The following KCNH1 variants were observed in gnomAD, a reference collection of about 807,000 sequenced individuals.
KCNH1 encodes the protein voltage-gated delayed rectifier potassium channel KCNH1.
A neutral mutation model predicts 69.2 loss-of-function variants in KCNH1; 27 were observed. The ratio of observed to expected loss-of-function variants is 0.39; its 90% CI spans 0.29 to 0.54. The LOEUF is 0.54. Ranked by LOEUF, KCNH1 falls within the 20% of genes least tolerant of loss-of-function variation. The pLI, the probability that KCNH1 is intolerant of heterozygous loss-of-function variation, is 0.68. For missense variants in KCNH1, 798 were observed against 1,261.6 expected (o/e 0.63, Z 5.57); for synonymous variants, 456 against 487.7 (o/e 0.93, Z 0.86).
chr1:210,787,561 G>A (rs893903489), intron 9 of KCNH1, among the ~76,000 whole-genome samples: 1 of 152,162 alleles, frequency 6.6e-6, no homozygotes, highest in African/African-American at 2.4e-5. Flanking sequence ...ACAGAACAAT[G>A]TTAAGTTAGT....
chr1:211,103,624 A>G (rs779434913), intron 2 of KCNH1, 22 bp from the exon 3 acceptor site: 4 of 1,449,992 alleles, frequency 2.8e-6, no homozygotes, highest in Non-Finnish European at 3.9e-6. Context: ...CAAAGAACTC[A>G]AGTTAGATTA....
chr1:210,882,634 C>T (rs1686521138), intron 7 of KCNH1, among the ~76,000 whole-genome samples: 1 of 152,124 alleles, frequency 6.6e-6, no homozygotes, highest in South Asian at 2.1e-4. Flanking sequence ...GGTTCCTTTG[C>T]TATGAGTCAG....
intron 10 of KCNH1, among the ~76,000 whole-genome samples, chr1:210,729,051 G>A (rs1682679217): frequency 6.6e-6 from 1 of 152,236 alleles, no homozygotes; most frequent in Non-Finnish European, 1.5e-5. Context: ...TAATGTGGCT[G>A]AGGTTAGATT....
At chr1:210,766,209 A>G (rs1284076283) in intron 10 of KCNH1, among the ~76,000 whole-genome samples, 1 of 152,060 alleles carries the variant, frequency 6.6e-6, no homozygotes, top group Non-Finnish European at 1.5e-5. Flanking sequence ...ACTTTGTACC[A>G]AGCTCTAAAA....
chr1:210,864,805 G>A (rs746425971), intron 7 of KCNH1, among the ~76,000 whole-genome samples: 27 of 152,312 alleles, frequency 1.8e-4, no homozygotes, highest in South Asian at 1.0e-3. Flanking sequence ...AGCCTCAGCC[G>A]GAAAGATTCA....
At chr1:211,125,132 C>T (rs530684523) in intron 1 of KCNH1, among the ~76,000 whole-genome samples, 32 of 152,288 alleles carry the variant, frequency 2.1e-4, no homozygotes, top group African/African-American at 6.7e-4. Flanking sequence ...AAGATGACCT[C>T]GCAGGAAAGA....
Position 210,683,674 on chromosome 1 carries a change from C to T in KCNH1, c.2577G>A (p.Met859Ile). 1 of 1,614,226 alleles carries T rather than the reference C, an allele frequency of 6.2e-7. No individual in the cohort carries two copies. The highest frequency in any genetic ancestry group is 8.5e-7 in the Non-Finnish European group (1 of 1,180,040). Residue 859 changes from methionine to isoleucine, a missense_variant, in exon 11 of 11, where the codon ATG becomes ATA. This residue lies in a region of KCNH1 where 331 missense variants were observed against 363.2 expected (regional missense o/e 0.91). Coordinates refer to ENST00000271751, the MANE Select transcript of KCNH1 (RefSeq NM_172362.3). This position sits in a 1 kb window ranked among gnomAD's most constrained non-coding sequence, Gnocchi z 5.7. Reference protein sequence around the residue: ...DWNKVSKAESMETLPERTKAS... With the variant: ...DWNKVSKAESIETLPERTKAS... ...CTTTTGTCCTCTCGGGAAGTGTCTC[C>T]ATCGACTCAGCCTTGGACACCTTGT... is the stretch of plus-strand genomic sequence containing the variant.
intron 6 of KCNH1, among the ~76,000 whole-genome samples, chr1:210,965,838 C>T (rs1688389668): frequency 6.6e-6 from 1 of 152,142 alleles, no homozygotes; most frequent in African/African-American, 2.4e-5. Context: ...ATGCTATCCC[C>T]ATCAAGCTAC....
intron 10 of KCNH1, among the ~76,000 whole-genome samples, chr1:210,732,851 A>G (rs1024814686): frequency 1.3e-5 from 2 of 152,184 alleles, no homozygotes; most frequent in Non-Finnish European, 2.9e-5. Context: ...TCGCCTCTCA[A>G]AGGGCCTACC....
intron 6 of KCNH1, among the ~76,000 whole-genome samples, chr1:210,938,349 T>A (rs1035367646): frequency 6.6e-6 from 1 of 152,208 alleles, no homozygotes; most frequent in Non-Finnish European, 1.5e-5. Context: ...ACTAGAAATA[T>A]CGATTGTCCC....
intron 2 of KCNH1, 62 bp downstream of exon 2, chr1:211,107,192 T>C: frequency 1.3e-6 from 2 of 1,589,050 alleles, no homozygotes; most frequent in Admixed American, 3.5e-5. Context: ...CAGTAAACCA[T>C]TTTCTTTTTC....
intron 3 of KCNH1, among the ~76,000 whole-genome samples, 184 bp from the exon 4 acceptor site, chr1:211,090,874 G>A (rs1374936570): frequency 6.6e-6 from 1 of 152,160 alleles, no homozygotes; most frequent in African/African-American, 2.4e-5. Flanking sequence ...AACTTTCACA[G>A]TGACTATTCA....
intron 6 of KCNH1, among the ~76,000 whole-genome samples, chr1:210,926,833 G>A (rs1687584760): frequency 1.3e-5 from 2 of 151,944 alleles, no homozygotes; most frequent in Non-Finnish European, 2.9e-5. Flanking sequence ...AAGATATGAA[G>A]GGAGAATTCT....
rs558282332 is a variant in KCNH1 at position 210,935,805 on chromosome 1, T to C, written c.1033-15736A>G. Among the ~76,000 whole-genome samples the C allele has an allele frequency of 1.5e-3, 234 of 152,334 alleles. 2 individuals are homozygous for C. The highest frequency in any genetic ancestry group is 5.1e-3 in the African/African-American group (212 of 41,580). ...AGCTTTATCCCTGAAGGCCAACATC[T>C]ACGACCGGAGAGAATGCGTTGGTAA... On this transcript the variant is annotated intron_variant, in intron 6 of 10. Transcript: ENST00000271751.
intron 10 of KCNH1, among the ~76,000 whole-genome samples, chr1:210,752,895 G>A (rs911096331): frequency 7.9e-5 from 12 of 152,234 alleles, no homozygotes; most frequent in African/African-American, 2.9e-4. Context: ...CCTGAGTCCT[G>A]TGACTATGTT....
intron 9 of KCNH1, among the ~76,000 whole-genome samples, chr1:210,795,925 A>T (rs1033980082): frequency 6.6e-6 from 1 of 150,858 alleles, no homozygotes; most frequent in Non-Finnish European, 1.5e-5. Context: ...GATTGAGACC[A>T]TCCTGGCTAA....
At chr1:211,113,172 T>G (rs1477165704) in intron 1 of KCNH1, among the ~76,000 whole-genome samples, 1 of 152,344 alleles carries the variant, frequency 6.6e-6, no homozygotes, top group South Asian at 2.1e-4. Context: ...ATTTTACTCA[T>G]GAGGAACCTG....
At chr1:210,777,972 G>C (rs1683894869) in intron 9 of KCNH1, among the ~76,000 whole-genome samples, 1 of 152,208 alleles carries the variant, frequency 6.6e-6, no homozygotes, top group African/African-American at 2.4e-5. Flanking sequence ...ACTCATTCTT[G>C]GGACTCTCCC....
intron 7 of KCNH1, among the ~76,000 whole-genome samples, chr1:210,914,801 C>A (rs554883717): frequency 7.4e-5 from 11 of 149,524 alleles, no homozygotes; most frequent in African/African-American, 2.4e-4. Flanking sequence ...GGGAGGAGGA[C>A]TGGGAAGAAA....
Sources: allele counts gnomAD v4.1 joint callset (sites outside exome capture counted in the v4.1 genomes callset), GRCh38; gene constraint gnomAD v4.1.1; regional missense constraint gnomAD v4.1.1; non-coding constraint Gnocchi (gnomAD v3.1); transcripts MANE v1.5; gene names NCBI Gene and HGNC (gene_info 2026-07-23, HGNC 2026-07-21).